P2RY12: variants seen among roughly 807,000 people sequenced by gnomAD.
The protein encoded by P2RY12 is P2Y purinoceptor 12.
Under a neutral mutation model 4.5 loss-of-function variants are expected in P2RY12, and 3 were observed. That is an observed-to-expected ratio of 0.67 (90% CI 0.31 to 1.74). The LOEUF (loss-of-function observed/expected upper bound fraction) is 1.74. P2RY12 is among the 40% of genes most tolerant of loss of function. The pLI is 0.09. For missense variants in P2RY12, 356 were observed against 407.8 expected, an observed-to-expected ratio of 0.87 and a Z score of 1.09; for synonymous variants, 148 against 154.1, an observed-to-expected ratio of 0.96 and a Z score of 0.29.
intron 1 of P2RY12, among the ~76,000 whole-genome samples, chr3:151,356,733 A>G (rs1753971315): frequency 1.3e-5 from 2 of 152,204 alleles, no homozygotes; most frequent in Non-Finnish European, 2.9e-5. Context: ...GTTAAGAGCC[A>G]GAACAAACCT....
rs772561303 is a variant in P2RY12 at position 151,376,899 on chromosome 3, T to C, written c.-180+7793A>G. On this transcript the variant is annotated intron_variant, in intron 1 of 2. Transcript: ENST00000302632. Reference sequence around the variant, plus strand: ...TGTGAGTTTATATTGAAAGCTTATCTCTGTATGAAATTTTATAAAAAGCAA... The same window carrying C: ...TGTGAGTTTATATTGAAAGCTTATCCCTGTATGAAATTTTATAAAAAGCAA... The C allele has an allele frequency of 3.7e-6, 6 of 1,612,804 alleles. No homozygotes were observed. The South Asian group carries it at 6.6e-5, about 18-fold the overall frequency.
At chr3:151,368,093 G>A (rs1321109611) in intron 1 of P2RY12, 29 of 1,349,034 alleles carry the variant, frequency 2.1e-5, no homozygotes, top group Non-Finnish European at 3.0e-5. Context: ...TAGGAAACCT[G>A]AAGGACTTGT....
intron 1 of P2RY12, chr3:151,367,507 ATATGT>A: frequency 1.5e-6 from 1 of 658,968 alleles, no homozygotes; most frequent in Non-Finnish European, 2.4e-6. Flanking sequence ...AATCATCATG[ATATGT>A]TATCATTTCC....
At chr3:151,372,881 A>G in intron 1 of P2RY12, 1 of 709,110 alleles carries the variant, frequency 1.4e-6, no homozygotes, top group Non-Finnish European at 2.3e-6. Context: ...TGCTCACTTT[A>G]TTTCGAAATA....
intron 1 of P2RY12, chr3:151,360,402 TCTAAAAGAGTCAAATGATAAC>T (rs1201242135): frequency 7.1e-7 from 1 of 1,408,688 alleles, no homozygotes; most frequent in African/African-American, 1.4e-5. Context: ...ATATTTTCAT[TCTAAAAGAGTCAAATGATAAC>T]CCACATAGTA....
intron 1 of P2RY12, among the ~76,000 whole-genome samples, chr3:151,342,027 G>A (rs554524144): frequency 6.6e-5 from 10 of 152,140 alleles, no homozygotes; most frequent in South Asian, 2.1e-4. Flanking sequence ...GAATAGTGCC[G>A]CAATAAACAT....
At chr3:151,359,482 C>G (rs749829763) in intron 1 of P2RY12, among the ~76,000 whole-genome samples, 9 of 152,050 alleles carry the variant, frequency 5.9e-5, no homozygotes, top group Non-Finnish European at 1.2e-4. Flanking sequence ...CCTGTGATTC[C>G]ATTGTCCTCC....
intron 1 of P2RY12, chr3:151,376,992 G>T (rs1201877999): frequency 1.2e-6 from 2 of 1,613,632 alleles, no homozygotes; most frequent in Non-Finnish European, 1.7e-6. Context: ...TAACTCTAGG[G>T]CTCTGGTTCT....
intron 1 of P2RY12, among the ~76,000 whole-genome samples, chr3:151,347,812 G>A (rs191944415): frequency 2.0e-4 from 31 of 152,260 alleles, no homozygotes; most frequent in Admixed American, 8.5e-4. Flanking sequence ...ACAAGGAAGC[G>A]ATGTTACCCC....
intron 1 of P2RY12, chr3:151,357,254 A>G (rs887626540): frequency 1.5e-5 from 25 of 1,613,398 alleles, no homozygotes; most frequent in Non-Finnish European, 1.8e-5. Flanking sequence ...AACTGCTCCT[A>G]AAATCCTCCA....
intron 1 of P2RY12, among the ~76,000 whole-genome samples, chr3:151,378,844 A>G (rs528110014): frequency 3.3e-5 from 5 of 152,238 alleles, no homozygotes; most frequent in Non-Finnish European, 5.9e-5. Flanking sequence ...GAATAATACT[A>G]TAGTAGCCAC....
chr3:151,379,423 C>G (rs1023973291), intron 1 of P2RY12, among the ~76,000 whole-genome samples: 2 of 152,184 alleles, frequency 1.3e-5, no homozygotes, highest in Non-Finnish European at 2.9e-5. Flanking sequence ...GTTGATTATT[C>G]TCTAATTGAA....
intron 1 of P2RY12, among the ~76,000 whole-genome samples, chr3:151,364,443 G>T (rs1755032648): frequency 6.6e-6 from 1 of 152,078 alleles, no homozygotes; most frequent in African/African-American, 2.4e-5. Flanking sequence ...CCCCTTACTA[G>T]AATGTAAGTT....
chr3:151,372,877 CT>C, intron 1 of P2RY12: 2 of 730,222 alleles, frequency 2.7e-6, no homozygotes, highest in Non-Finnish European at 4.4e-6. Context: ...TTCTTGCTCA[CT>C]TTATTTCGAA....
chr3:151,368,200 T>G, intron 1 of P2RY12: 1 of 1,614,102 alleles, frequency 6.2e-7, no homozygotes, highest in South Asian at 1.1e-5. Flanking sequence ...ATGCCGACTC[T>G]TGCTTCATCT....
At chr3:151,365,574 T>C (rs548503835) in intron 1 of P2RY12, among the ~76,000 whole-genome samples, 2 of 152,334 alleles carry the variant, frequency 1.3e-5, no homozygotes, top group African/African-American at 4.8e-5. Context: ...AAAATGTAAA[T>C]CGTAGCTCAG....
At position 151,363,619 on chromosome 3, in the gene P2RY12, T is replaced by A. The variant is rs556423736; in HGVS notation, c.-180+21073A>T. 2.0e-5 allele frequency among the ~76,000 whole-genome samples: 3 copies of A among 152,298 alleles called. No homozygotes were observed. The South Asian group carries it at 6.2e-4, about 32-fold the overall frequency. On this transcript the variant is annotated intron_variant, in intron 1 of 2. Coordinates refer to ENST00000302632, the MANE Select transcript of P2RY12 (RefSeq NM_022788.5). ...CTTCAATGACAACCAACACATTTTTTAAAATATAAGTTGTCTACACAGAAA... is the reference window on the plus strand; with the variant it reads ...CTTCAATGACAACCAACACATTTTTAAAAATATAAGTTGTCTACACAGAAA...
At position 151,338,728 on chromosome 3, in the gene P2RY12, G is replaced by A. The variant is rs1439180705; in HGVS notation, c.118C>T (p.Leu40Phe). The A allele has an allele frequency of 3.7e-6, 6 of 1,613,054 alleles. No individual in the cohort carries two copies. The East Asian group carries it at 6.7e-5, about 18-fold the overall frequency. The change falls in exon 3 of 3, where the codon CTT (leucine) becomes TTT (phenylalanine). Residue 40 changes from leucine to phenylalanine, a missense_variant. Coordinates refer to ENST00000302632, the MANE Select transcript of P2RY12 (RefSeq NM_022788.5). Reference sequence around the variant, plus strand: ...CTCATCGCCAGGCCATTTGTGATAAGTCCAACAAAAAACAGGACAGTGTAG... The same window carrying A: ...CTCATCGCCAGGCCATTTGTGATAAATCCAACAAAAAACAGGACAGTGTAG... ...LLYTVLFFVG[L>F]ITNGLAMRIF...
At chr3:151,364,442 A>AC (rs1755032139) in intron 1 of P2RY12, among the ~76,000 whole-genome samples, 1 of 152,158 alleles carries the variant, frequency 6.6e-6, no homozygotes, top group African/African-American at 2.4e-5. Flanking sequence ...TCCCCTTACT[A>AC]GAATGTAAGT....
Sources: gnomAD v4.1 joint callset for allele counts (sites outside exome capture counted in the v4.1 genomes callset) on GRCh38, gnomAD v4.1.1 for gene constraint, MANE v1.5 for transcripts, NCBI Gene and HGNC (gene_info 2026-07-23, HGNC 2026-07-21) for gene names.